Variants in ARHGAP35 observed in about 807,000 individuals in gnomAD.
ARHGAP35 encodes rho GTPase-activating protein 35.
ARHGAP35 carries 15 observed loss-of-function variants against 111.1 expected under a neutral mutation model. The observed-to-expected ratio is 0.13, with a 90% CI of 0.09 to 0.21. ARHGAP35 has a LOEUF of 0.21. Ranked by LOEUF, ARHGAP35 falls within the 10% of genes least tolerant of loss-of-function variation. ARHGAP35 has a pLI of 1.00. For missense variants in ARHGAP35, 1,262 were observed against 1,873.0 expected, an observed-to-expected ratio of 0.67 and a Z score of 6.02; for synonymous variants, 643 against 710.3, an observed-to-expected ratio of 0.91 and a Z score of 1.51.
intron 3 of ARHGAP35, 94 bp downstream of exon 3, chr19:46,937,502 T>C: frequency 7.1e-7 from 1 of 1,403,866 alleles, no homozygotes; most frequent in Admixed American, 1.8e-5. Flanking sequence ...GAATCAGTTG[T>C]TGTTGATTGT....
chr19:46,897,474 C>T (rs1417587083), intron 1 of ARHGAP35, among the ~76,000 whole-genome samples: 4 of 148,626 alleles, frequency 2.7e-5, no homozygotes. Context: ...CGACCTCCAA[C>T]ACTTTCTATT....
Position 47,001,193 on chromosome 19 carries a change from G to C in ARHGAP35, c.*505G>C. 8.0e-7 allele frequency: 1 copy of C among 1,254,158 alleles called. No homozygotes were observed. The highest frequency in any genetic ancestry group is 1.5e-5 in the African/African-American group (1 of 64,564). 77.7% of individuals were successfully genotyped at this position (1,254,158 alleles called of 1,614,324 possible). On this transcript the variant is annotated 3_prime_UTR_variant, in exon 7 of 7. Coordinates refer to ENST00000672722, the MANE Select transcript of ARHGAP35 (RefSeq NM_004491.5). This position sits in a 1 kb window ranked among gnomAD's most constrained non-coding sequence, Gnocchi z 5.4. ...TACAGCCCGGCTGGCGGCCTCCTTGGGAACGTGTAGGCCACGGCTCTGCCA... is the reference window on the plus strand; with the variant it reads ...TACAGCCCGGCTGGCGGCCTCCTTGCGAACGTGTAGGCCACGGCTCTGCCA...
At chr19:46,872,118 G>C (rs898845684) in intron 1 of ARHGAP35, among the ~76,000 whole-genome samples, 1 of 152,108 alleles carries the variant, frequency 6.6e-6, no homozygotes. Context: ...TTTAACCTTA[G>C]GGGAATGGTT....
chr19:46,894,326 A>G (rs893617705), intron 1 of ARHGAP35, among the ~76,000 whole-genome samples: 1 of 152,152 alleles, frequency 6.6e-6, no homozygotes, highest in African/African-American at 2.4e-5. Flanking sequence ...TGAAATTTCT[A>G]AGATATTCTT....
intron 1 of ARHGAP35, among the ~76,000 whole-genome samples, chr19:46,887,143 T>C (rs950241424): frequency 2.6e-5 from 4 of 152,112 alleles, no homozygotes; most frequent in African/African-American, 9.7e-5. Context: ...TCATCAGTTT[T>C]GGTACCTTCT....
intron 5 of ARHGAP35, chr19:46,997,431 C>T (rs191291498): frequency 1.3e-5 from 2 of 152,200 alleles, no homozygotes; most frequent in African/African-American, 2.4e-5. Flanking sequence ...CAGGCTCCTG[C>T]GAGTAGACTG....
rs2056377240 is a variant in ARHGAP35, at chr19:46,945,982, G to A, written c.3826+8574G>A. ...GCCGAGAAGAGGAATTGTGCCTAGG[G>A]AGAAACAGTTTTACTGGGGCAGAAG... On this transcript the variant is annotated intron_variant, in intron 3 of 6. Transcript: ENST00000672722. This position sits in a 1 kb window ranked among gnomAD's most constrained non-coding sequence, Gnocchi z 4.1. Among the ~76,000 whole-genome samples, 1 of 152,192 alleles carries A rather than the reference G, an allele frequency of 6.6e-6. No individual in the cohort carries two copies. The highest frequency in any genetic ancestry group is 1.5e-5 in the Non-Finnish European group (1 of 68,032).
Position 47,001,554 on chromosome 19 carries a change from G to T in ARHGAP35, c.*866G>T, listed in dbSNP as rs1255217889. The T allele has an allele frequency of 2.0e-6, 1 of 493,418 alleles. No individual in the cohort carries two copies. Among genetic ancestry groups the T allele is most frequent in the East Asian group, 6.9e-5 (1 of 14,414 alleles). The allele number at this position is 493,418 out of a possible 1,614,324, so 30.6% of individuals were successfully genotyped here. ...AGGATGCCTGGAGCTGTGGCCTGAGGGCCTGCTGGGGTCCCACTCACCCAC... is the reference window on the plus strand; with the variant it reads ...AGGATGCCTGGAGCTGTGGCCTGAGTGCCTGCTGGGGTCCCACTCACCCAC... On this transcript the variant is annotated 3_prime_UTR_variant, in exon 7 of 7. Transcript: ENST00000672722. The surrounding 1 kb of genome is among the most constrained non-coding windows in gnomAD (Gnocchi z 5.4).
chr19:46,993,358 A>T lies in ARHGAP35; in HGVS notation c.4036+3683A>T, dbSNP rs1017707745. Among the ~76,000 whole-genome samples the T allele has an allele frequency of 6.6e-6, 1 of 152,186 alleles. No homozygotes were observed. The highest frequency in any genetic ancestry group is 6.5e-5 in the Admixed American group (1 of 15,286). On this transcript the variant is annotated intron_variant, in intron 5 of 6. Transcript: ENST00000672722. This position sits in a 1 kb window ranked among gnomAD's most constrained non-coding sequence, Gnocchi z 4.6. ...GGCCAGCAGGGACTTTCCTCCAGGCACCGAGCTGGCAGCAGCAGACCCAGG... is the reference window on the plus strand; with the variant it reads ...GGCCAGCAGGGACTTTCCTCCAGGCTCCGAGCTGGCAGCAGCAGACCCAGG...
At chr19:46,956,954 G>A (rs1349287223) in intron 3 of ARHGAP35, among the ~76,000 whole-genome samples, 3 of 129,740 alleles carry the variant, frequency 2.3e-5, no homozygotes, top group African/African-American at 9.1e-5. Flanking sequence ...TCTTAAAGCA[G>A]ACTTTTTTTT....
intron 1 of ARHGAP35, among the ~76,000 whole-genome samples, chr19:46,862,126 G>A (rs2055832204): frequency 6.6e-6 from 1 of 151,868 alleles, no homozygotes; most frequent in Non-Finnish European, 1.5e-5. Context: ...TCTCAGCTCT[G>A]CCCCTTGCCC....
chr19:46,939,404 T>C (rs1189102831), intron 3 of ARHGAP35, among the ~76,000 whole-genome samples: 1 of 147,810 alleles, frequency 6.8e-6, no homozygotes, highest in Non-Finnish European at 1.5e-5. Context: ...TTTATTTATT[T>C]ATTTATTTAT....
intron 3 of ARHGAP35, among the ~76,000 whole-genome samples, chr19:46,960,291 C>T (rs1310936246): frequency 6.6e-6 from 1 of 152,140 alleles, no homozygotes; most frequent in Non-Finnish European, 1.5e-5. Flanking sequence ...ACGTATCACT[C>T]TGCTAAGAAA....
chr19:46,912,510 C>T (rs757534025), intron 1 of ARHGAP35, among the ~76,000 whole-genome samples: 2 of 152,018 alleles, frequency 1.3e-5, no homozygotes, highest in Non-Finnish European at 2.9e-5. Context: ...CCCACCACCT[C>T]GCCCAGCTAA....
intron 1 of ARHGAP35, among the ~76,000 whole-genome samples, chr19:46,910,180 A>C (rs1464338768): frequency 6.6e-6 from 1 of 152,164 alleles, no homozygotes; most frequent in Non-Finnish European, 1.5e-5. Flanking sequence ...TGATGTGATC[A>C]TAGATCACTG....
intron 3 of ARHGAP35, among the ~76,000 whole-genome samples, chr19:46,978,534 TGG>T (rs372662601): frequency 8.0e-6 from 1 of 124,360 alleles, no homozygotes; most frequent in African/African-American, 3.1e-5. Flanking sequence ...GTGTGTGTGG[TGG>T]GATGTGTGTG....
intron 1 of ARHGAP35, among the ~76,000 whole-genome samples, chr19:46,907,795 C>T (rs1484892901): frequency 6.6e-6 from 1 of 152,134 alleles, no homozygotes; most frequent in Admixed American, 6.5e-5. Context: ...CTTAGGTTGG[C>T]CTTAGCTTCA....
Position 46,920,217 on chromosome 19 carries a change from G to A in ARHGAP35, c.1542G>A (p.Lys514=). The change falls in exon 2 of 7, where the codon AAG becomes AAA. Residue 514 remains lysine, a synonymous_variant. Transcript: ENST00000672722. This position sits in a 1 kb window ranked among gnomAD's most constrained non-coding sequence, Gnocchi z 7.0. ...YELELDAKPS[K]EKMGVIQDVL... The stretch of plus-strand genomic sequence containing the variant: ...TGGAGCTGGATGCTAAGCCCAGCAA[G>A]GAGAAGATGGGTGTTATTCAGGATG... 1.2e-6 allele frequency: 2 copies of A among 1,613,970 alleles called. No homozygotes were observed. The highest frequency in any genetic ancestry group is 1.7e-6 in the Non-Finnish European group (2 of 1,179,860).
chr19:46,991,636 G>A (rs1415961848), intron 5 of ARHGAP35, among the ~76,000 whole-genome samples: 4 of 152,208 alleles, frequency 2.6e-5, no homozygotes, highest in South Asian at 2.1e-4. Context: ...GAACCTGACC[G>A]AAGCGGGTGG....
Sources: gnomAD v4.1 joint callset for allele counts (sites outside exome capture counted in the v4.1 genomes callset) on GRCh38, gnomAD v4.1.1 for gene constraint, Gnocchi (gnomAD v3.1) non-coding constraint, MANE v1.5 for transcripts, NCBI Gene and HGNC (gene_info 2026-07-23, HGNC 2026-07-21) for gene names.